The following SI variants were observed in gnomAD, a reference collection of about 807,000 sequenced individuals.
The protein encoded by SI is sucrase-isomaltase.
SI carries 235 observed loss-of-function variants against 253.3 expected under a neutral mutation model. That is an observed-to-expected ratio of 0.93 (90% CI 0.83 to 1.03). The LOEUF is 1.03. Ranked by LOEUF, SI falls within the 50% of genes least tolerant of loss-of-function variation. The pLI is 0.00. For synonymous variants in SI, 819 were observed against 712.0 expected, an observed-to-expected ratio of 1.15 and a Z score of -2.39; for missense variants, 2,442 against 2,211.1, an observed-to-expected ratio of 1.10 and a Z score of -2.09.
At chr3:165,040,850 G>A in intron 18 of SI, 90 bp downstream of exon 18, 1 of 1,015,720 alleles carries the variant, frequency 9.8e-7, no homozygotes, top group Non-Finnish European at 1.5e-6. Context: ...AAGTTTAATT[G>A]ATATCTTGAT....
intron 25 of SI, among the ~76,000 whole-genome samples, chr3:165,025,272 T>G (rs927166369): frequency 4.0e-5 from 6 of 151,214 alleles, no homozygotes; most frequent in African/African-American, 1.5e-4. Context: ...GATGAGGTTT[T>G]TGAATTAACT....
At chr3:165,033,362 G>A (rs1408082697) in intron 23 of SI, 33 bp downstream of exon 23, 1 of 1,517,954 alleles carries the variant, frequency 6.6e-7, no homozygotes, top group South Asian at 1.3e-5. Flanking sequence ...AACAAATTAT[G>A]CATTTAAGTA....
intron 36 of SI, among the ~76,000 whole-genome samples, 167 bp downstream of exon 36, chr3:165,007,743 TC>T (rs1018115049): frequency 1.3e-5 from 2 of 150,452 alleles, no homozygotes; most frequent in African/African-American, 4.9e-5. Context: ...GGTGTGTGAA[TC>T]CTATTCCCTA....
At chr3:165,049,415 C>T (rs994850172) in intron 14 of SI, among the ~76,000 whole-genome samples, 171 bp from the exon 15 acceptor site, 2 of 152,186 alleles carry the variant, frequency 1.3e-5, no homozygotes, top group East Asian at 1.9e-4. Context: ...CCAATTAGGT[C>T]CTCATCTTTC....
chr3:165,000,848 G>C (rs188430210), intron 37 of SI, among the ~76,000 whole-genome samples: 143 of 151,460 alleles, frequency 9.4e-4, no homozygotes, highest in African/African-American at 3.3e-3. Context: ...GTTACCACTT[G>C]ACATTGGAGA....
At chr3:165,023,435 A>G (rs1711733240) in intron 26 of SI, 135 bp downstream of exon 26, 1 of 691,890 alleles carries the variant, frequency 1.4e-6, no homozygotes, top group African/African-American at 1.8e-5. Flanking sequence ...GTAGGAAAAA[A>G]TATTTTTATA....
chr3:165,012,875 C>T (rs1718833476), intron 34 of SI, 105 bp downstream of exon 34: 2 of 797,448 alleles, frequency 2.5e-6, no homozygotes, highest in African/African-American at 1.7e-5. Context: ...TTAAAATGGC[C>T]ATCTATTTTT....
chr3:164,999,791 G>A (rs12107524), intron 37 of SI, among the ~76,000 whole-genome samples: 37,411 of 151,374 alleles, frequency 0.25, 7,893 homozygotes, highest in African/African-American at 0.58. Flanking sequence ...AGTCAAAAGT[G>A]CAAGCAACTA....
At chr3:165,064,189 A>G (rs1714115206) in intron 7 of SI, among the ~76,000 whole-genome samples, 1 of 152,092 alleles carries the variant, frequency 6.6e-6, no homozygotes, top group African/African-American at 2.4e-5. Context: ...GGAGCTTCCA[A>G]AATGATATGT....
At chr3:164,980,675 A>G (rs1717138802) in intron 47 of SI, among the ~76,000 whole-genome samples, 1 of 151,996 alleles carries the variant, frequency 6.6e-6, no homozygotes, top group African/African-American at 2.4e-5. Context: ...ATTTGTTCTC[A>G]ACACTTAAAA....
At chr3:165,012,592 TTA>T (rs796559034) in intron 34 of SI, among the ~76,000 whole-genome samples, 21 of 144,052 alleles carry the variant, frequency 1.5e-4, no homozygotes, top group African/African-American at 5.0e-4. Context: ...CCACGCCTGG[TTA>T]TTTTTTTTTG....
At chr3:165,003,518 T>C (rs1718355007) in intron 37 of SI, among the ~76,000 whole-genome samples, 1 of 152,088 alleles carries the variant, frequency 6.6e-6, no homozygotes, top group African/African-American at 2.4e-5. Flanking sequence ...AAGTGAGTTT[T>C]TGGTCATACA....
chr3:165,025,905 C>T (rs1453812485), intron 25 of SI, among the ~76,000 whole-genome samples: 1 of 151,022 alleles, frequency 6.6e-6, no homozygotes, highest in Non-Finnish European at 1.5e-5. Context: ...ATAAATCTCA[C>T]AGGACCTATA....
intron 13 of SI, among the ~76,000 whole-genome samples, chr3:165,053,628 T>C (rs1313304902): frequency 2.0e-5 from 3 of 152,166 alleles, no homozygotes; most frequent in Non-Finnish European, 4.4e-5. Context: ...GGAAATACTC[T>C]GCCTTTCTCA....
chr3:164,989,404 G>T (rs1366644317), intron 44 of SI, among the ~76,000 whole-genome samples: 1 of 141,626 alleles, frequency 7.1e-6, no homozygotes, highest in Non-Finnish European at 1.5e-5. Context: ...AAGAAAGAAA[G>T]AAAGAAAGAA....
At chr3:165,006,302 G>C (rs1160312861) in intron 37 of SI, among the ~76,000 whole-genome samples, 1 of 151,880 alleles carries the variant, frequency 6.6e-6, no homozygotes, top group African/African-American at 2.4e-5. Flanking sequence ...TAGAGATGAG[G>C]TTTCACCATT....
intron 35 of SI, 63 bp from the exon 36 acceptor site, chr3:165,008,061 G>T: frequency 2.3e-6 from 2 of 866,726 alleles, no homozygotes; most frequent in Admixed American, 3.6e-5. Context: ...ATTCTCAAAA[G>T]AGCTAGTTCA....
At chr3:164,989,105 A>AATAC (rs1177993198) in intron 44 of SI, among the ~76,000 whole-genome samples, 354 of 149,148 alleles carry the variant, frequency 2.4e-3, no homozygotes, top group African/African-American at 8.4e-3. Flanking sequence ...TAAATAAATA[A>AATAC]ATACATAATT....
chr3:165,070,585 T>C (rs1253386491), intron 3 of SI, among the ~76,000 whole-genome samples: 1 of 151,508 alleles, frequency 6.6e-6, no homozygotes, highest in Non-Finnish European at 1.5e-5. Context: ...CTTACAGCAG[T>C]CTCTATGAAA....
Sources: allele counts gnomAD v4.1 joint callset (sites outside exome capture counted in the v4.1 genomes callset), GRCh38; gene constraint gnomAD v4.1.1; transcripts MANE v1.5; gene names NCBI Gene and HGNC (gene_info 2026-07-23, HGNC 2026-07-21).